SYNDIG1: variants seen among roughly 807,000 people sequenced by gnomAD.
The protein encoded by SYNDIG1 is synapse differentiation-inducing gene protein 1.
In SYNDIG1, 9 loss-of-function variants were observed where a neutral mutation model predicts 19.4. The observed-to-expected ratio is 0.46, with a 90% CI of 0.28 to 0.81. SYNDIG1 has a LOEUF of 0.81. SYNDIG1 is among the 30% of genes least tolerant of loss of function. The pLI, the probability that SYNDIG1 is intolerant of heterozygous loss-of-function variation, is 0.12. For missense variants in SYNDIG1, 311 were observed against 343.3 expected, an observed-to-expected ratio of 0.91 and a Z score of 0.74; for synonymous variants, 141 against 145.9, an observed-to-expected ratio of 0.97 and a Z score of 0.24.
intron 3 of SYNDIG1, among the ~76,000 whole-genome samples, chr20:24,664,562 C>G (rs1025747226): frequency 6.6e-6 from 1 of 152,184 alleles, no homozygotes; most frequent in Non-Finnish European, 1.5e-5. Flanking sequence ...CTCCGGTGAT[C>G]CCTCCATGGT....
chr20:24,501,674 T>C (rs1675792415), intron 1 of SYNDIG1, among the ~76,000 whole-genome samples: 1 of 152,180 alleles, frequency 6.6e-6, no homozygotes, highest in South Asian at 2.1e-4. Context: ...TTATAGAATG[T>C]CCATGTCACA....
At chr20:24,494,450 C>T (rs1355215473) in intron 1 of SYNDIG1, among the ~76,000 whole-genome samples, 1 of 152,154 alleles carries the variant, frequency 6.6e-6, no homozygotes, top group Non-Finnish European at 1.5e-5. Flanking sequence ...GAAGCTAGCA[C>T]GTTGGGTGGG....
intron 1 of SYNDIG1, among the ~76,000 whole-genome samples, chr20:24,527,133 G>C (rs996859706): frequency 6.6e-6 from 1 of 152,176 alleles, no homozygotes; most frequent in Non-Finnish European, 1.5e-5. Context: ...CATTAGAAGA[G>C]ACTGATCTTT....
At chr20:24,543,623 G>A (rs1392275454) in intron 2 of SYNDIG1, 46 bp downstream of exon 2, 5 of 1,572,086 alleles carry the variant, frequency 3.2e-6, no homozygotes, top group Non-Finnish European at 4.3e-6. Flanking sequence ...TGTGTGATGG[G>A]GATTCTAGGG....
intron 2 of SYNDIG1, among the ~76,000 whole-genome samples, chr20:24,548,435 G>GAATTCTATAACTGC (rs1422481284): frequency 6.6e-6 from 1 of 152,182 alleles, no homozygotes; most frequent in Non-Finnish European, 1.5e-5. Context: ...GCTGTTGGAG[G>GAATTCTATAACTGC]ACACAGAATT....
intron 3 of SYNDIG1, among the ~76,000 whole-genome samples, chr20:24,592,901 C>T (rs1233611164): frequency 1.3e-5 from 2 of 152,148 alleles, no homozygotes; most frequent in Non-Finnish European, 2.9e-5. Context: ...GTGTGAGCCA[C>T]CCCTGTATGG....
At chr20:24,569,860 G>A (rs1471600164) in intron 2 of SYNDIG1, among the ~76,000 whole-genome samples, 1 of 152,148 alleles carries the variant, frequency 6.6e-6, no homozygotes, top group Non-Finnish European at 1.5e-5. Context: ...TAAAGTTGGT[G>A]CGGTAAAGAT....
intron 3 of SYNDIG1, among the ~76,000 whole-genome samples, chr20:24,629,757 A>G: frequency 6.6e-6 from 1 of 152,242 alleles, no homozygotes; most frequent in East Asian, 1.9e-4. Flanking sequence ...GCCAGCAAGG[A>G]GAAGTAAATG....
At chr20:24,548,217 T>A (rs56412734) in intron 2 of SYNDIG1, among the ~76,000 whole-genome samples, 4,073 of 152,306 alleles carry the variant, frequency 0.027, 111 homozygotes, top group Middle Eastern at 0.065. Context: ...CTGAGACAGA[T>A]CTCCTGACTT....
intron 1 of SYNDIG1, among the ~76,000 whole-genome samples, chr20:24,534,527 C>T (rs1313175985): frequency 1.3e-5 from 2 of 152,244 alleles, no homozygotes; most frequent in Non-Finnish European, 2.9e-5. Context: ...CAGTGCCCCT[C>T]GGTCTGGCCC....
At chr20:24,471,205 G>A (rs1041247444) in intron 1 of SYNDIG1, among the ~76,000 whole-genome samples, 4 of 152,096 alleles carry the variant, frequency 2.6e-5, no homozygotes, top group African/African-American at 9.7e-5. Flanking sequence ...GACCTCAAGG[G>A]CTGCCGCGTC....
intron 1 of SYNDIG1, among the ~76,000 whole-genome samples, chr20:24,506,599 A>G (rs2056597038): frequency 6.6e-6 from 1 of 152,204 alleles, no homozygotes; most frequent in South Asian, 2.1e-4. Context: ...CCTTCTCTGG[A>G]AGCCCAGCCT....
At chr20:24,599,685 T>C (rs1341481446) in intron 3 of SYNDIG1, among the ~76,000 whole-genome samples, 1 of 152,162 alleles carries the variant, frequency 6.6e-6, no homozygotes, top group Non-Finnish European at 1.5e-5. Flanking sequence ...ATTTTCAGCA[T>C]CGTGGATGGA....
At chr20:24,551,173 T>G (rs990982709) in intron 2 of SYNDIG1, among the ~76,000 whole-genome samples, 5 of 152,238 alleles carry the variant, frequency 3.3e-5, no homozygotes, top group Non-Finnish European at 4.4e-5. Context: ...CTGAACTGAT[T>G]CTATTACTTT....
At chr20:24,477,436 C>T (rs1209142975) in intron 1 of SYNDIG1, among the ~76,000 whole-genome samples, 1 of 152,154 alleles carries the variant, frequency 6.6e-6, no homozygotes, top group Non-Finnish European at 1.5e-5. Flanking sequence ...CCTATCTGTC[C>T]CACCCAGAGT....
chr20:24,501,688 G>A (rs1488747289), intron 1 of SYNDIG1, among the ~76,000 whole-genome samples: 2 of 152,164 alleles, frequency 1.3e-5, no homozygotes, highest in African/African-American at 4.8e-5. Flanking sequence ...TGTCACAGGG[G>A]GTTATTACGT....
intron 1 of SYNDIG1, among the ~76,000 whole-genome samples, chr20:24,475,850 A>G (rs1270656480): frequency 1.3e-5 from 2 of 151,768 alleles, no homozygotes; most frequent in Non-Finnish European, 2.9e-5. Context: ...GAGCTAATTA[A>G]TGTGCATAGT....
intron 3 of SYNDIG1, among the ~76,000 whole-genome samples, chr20:24,663,169 C>T (rs575124550): frequency 2.6e-5 from 4 of 152,300 alleles, no homozygotes; most frequent in African/African-American, 9.6e-5. Flanking sequence ...TTCTATGACA[C>T]GCAGATGCCG....
intron 2 of SYNDIG1, among the ~76,000 whole-genome samples, chr20:24,558,045 C>G (rs2057861814): frequency 6.6e-6 from 1 of 152,070 alleles, no homozygotes; most frequent in Admixed American, 6.5e-5. Flanking sequence ...AGAAGTGTAA[C>G]AATGTATAGG....
Sources: allele counts gnomAD v4.1 joint callset (sites outside exome capture counted in the v4.1 genomes callset), GRCh38; gene constraint gnomAD v4.1.1; transcripts MANE v1.5; gene names NCBI Gene and HGNC (gene_info 2026-07-23, HGNC 2026-07-21).